Variants in GALNT17 observed in about 807,000 individuals in gnomAD.
GALNT17 encodes the protein UDP-GalNAc:polypeptide N-acetylgalactosaminyltransferase-like 3.
GALNT17 carries 29 observed loss-of-function variants against 63.7 expected under a neutral mutation model. The ratio of observed to expected loss-of-function variants is 0.46; its 90% CI spans 0.34 to 0.62. The LOEUF (loss-of-function observed/expected upper bound fraction) is 0.62. Among genes scored for constraint, GALNT17 ranks in the 20% least tolerant of loss-of-function variants. The pLI, the probability that GALNT17 is intolerant of heterozygous loss-of-function variation, is 0.01. For synonymous variants in GALNT17, 305 were observed against 318.3 expected (o/e 0.96, Z 0.45); for missense variants, 603 against 799.6 (o/e 0.75, Z 2.97).
intron 6 of GALNT17, among the ~76,000 whole-genome samples, chr7:71,651,765 G>T (rs987238947): frequency 6.6e-6 from 1 of 152,064 alleles, no homozygotes; most frequent in African/African-American, 2.4e-5. Context: ...AGGCTGGAGC[G>T]CAGTAGCACC....
intron 3 of GALNT17, among the ~76,000 whole-genome samples, chr7:71,414,017 G>A (rs1004779069): frequency 6.6e-6 from 1 of 152,052 alleles, no homozygotes; most frequent in Non-Finnish European, 1.5e-5. Flanking sequence ...TGAGGTGGGT[G>A]GATCACCTGA....
intron 8 of GALNT17, among the ~76,000 whole-genome samples, chr7:71,676,006 G>T (rs534673392): frequency 6.6e-6 from 1 of 152,200 alleles, no homozygotes; most frequent in African/African-American, 2.4e-5. Context: ...GAAAAGAAAA[G>T]AAAAAGAACA....
rs1791975444 is a variant in GALNT17 at position 71,339,735 on chromosome 7, A to G, written c.422+4002A>G. 2.6e-5 allele frequency among the ~76,000 whole-genome samples: 4 copies of G among 151,898 alleles called. No homozygotes were observed. In the South Asian group the frequency reaches 8.4e-4, roughly 32 times the overall value. ...GAAATTGGGAGAGGGATAAGGGTGG[A>G]CCAGGCGGGAGAACAAACAGAAGGA... On this transcript the variant is annotated intron_variant, in intron 2 of 10. Transcript: ENST00000333538.
chr7:71,208,715 G>A (rs1238760298), intron 1 of GALNT17, among the ~76,000 whole-genome samples: 1 of 152,004 alleles, frequency 6.6e-6, no homozygotes, highest in South Asian at 2.1e-4. Context: ...ACCTCCCAAA[G>A]TGCTGGGACT....
Position 71,710,812 on chromosome 7 carries a change from A to C in GALNT17, c.1552A>C (p.Thr518Pro). Residue 518 changes from threonine to proline, a missense_variant, in exon 10 of 11, where the codon ACC (threonine) becomes CCC (proline). Coordinates refer to ENST00000333538, the MANE Select transcript of GALNT17 (RefSeq NM_022479.3). ...CCTGCACTTGGGTGCCCTGGGGACC[A>C]CCACACTCCTCCCTGACACCCGCTG... ...GFLHLGALGTTTLLPDTRCLV... is the reference protein window; with the variant it reads ...GFLHLGALGTPTLLPDTRCLV... The C allele has an allele frequency of 6.2e-7, 1 of 1,613,544 alleles. No homozygotes were observed.
At chr7:71,407,612 G>A (rs1583925625) in intron 3 of GALNT17, among the ~76,000 whole-genome samples, 2 of 152,110 alleles carry the variant, frequency 1.3e-5, no homozygotes, top group Admixed American at 6.5e-5. Context: ...GCCGGACATG[G>A]TGGTGCATCC....
chr7:71,637,708 A>G (rs1408510104), intron 6 of GALNT17, among the ~76,000 whole-genome samples: 2 of 152,158 alleles, frequency 1.3e-5, no homozygotes, highest in Non-Finnish European at 2.9e-5. Context: ...CTGACTTGGT[A>G]GATGAGTCAC....
intron 2 of GALNT17, among the ~76,000 whole-genome samples, chr7:71,358,396 A>G (rs1792332139): frequency 6.6e-6 from 1 of 152,200 alleles, no homozygotes; most frequent in Non-Finnish European, 1.5e-5. Flanking sequence ...TTCTGTCTCA[A>G]AAAATAAATA....
At chr7:71,521,787 C>T (rs1184061769) in intron 5 of GALNT17, among the ~76,000 whole-genome samples, 1 of 152,188 alleles carries the variant, frequency 6.6e-6, no homozygotes, top group African/African-American at 2.4e-5. Flanking sequence ...AGATTCCCAG[C>T]TGATGGCATT....
intron 1 of GALNT17, among the ~76,000 whole-genome samples, chr7:71,144,476 C>T (rs1472659301): frequency 1.3e-5 from 2 of 152,084 alleles, no homozygotes; most frequent in Non-Finnish European, 1.5e-5. Context: ...AGCTTAGATG[C>T]TAAGAGTACA....
At chr7:71,271,845 G>A (rs1583817919) in intron 1 of GALNT17, among the ~76,000 whole-genome samples, 1 of 152,042 alleles carries the variant, frequency 6.6e-6, no homozygotes, top group Admixed American at 6.6e-5. Flanking sequence ...CTGCAGCGTC[G>A]ACCTCCCAGG....
intron 5 of GALNT17, among the ~76,000 whole-genome samples, chr7:71,516,414 G>A (rs781735983): frequency 2.6e-5 from 4 of 152,162 alleles, no homozygotes; most frequent in Non-Finnish European, 4.4e-5. Context: ...CCCTTGGTAC[G>A]TGATGATGGG....
intron 2 of GALNT17, among the ~76,000 whole-genome samples, chr7:71,352,434 G>A (rs1175367859): frequency 6.6e-6 from 1 of 152,160 alleles, no homozygotes; most frequent in African/African-American, 2.4e-5. Context: ...ATACTACTGG[G>A]TTTTAGGTTG....
Position 71,479,366 on chromosome 7 carries a change from G to A in GALNT17, c.962+58261G>A, listed in dbSNP as rs578254827. ...TGGGGCTCAGCACGTATGGTTTCAG[G>A]TAGGCTCTGCCTTAACATATTCCTG... On this transcript the variant is annotated intron_variant, in intron 5 of 10. Transcript: ENST00000333538. Among the ~76,000 whole-genome samples the A allele has an allele frequency of 9.9e-5, 15 of 152,238 alleles. 1 individual carries two copies. The South Asian group carries it at 3.1e-3, about 32-fold the overall frequency.
At chr7:71,534,598 CAAA>C (rs371592743) in intron 5 of GALNT17, among the ~76,000 whole-genome samples, 17,859 of 108,094 alleles carry the variant, frequency 0.17, 2,028 homozygotes, top group African/African-American at 0.37. Flanking sequence ...GACTCCATCT[CAAA>C]AAAAAAAAAA....
intron 1 of GALNT17, among the ~76,000 whole-genome samples, chr7:71,280,466 G>A (rs1267627786): frequency 6.6e-6 from 1 of 152,140 alleles, no homozygotes; most frequent in South Asian, 2.1e-4. Flanking sequence ...GAGGGTAGGC[G>A]TGAAAAAGAT....
intron 1 of GALNT17, among the ~76,000 whole-genome samples, chr7:71,182,976 T>A (rs1343448783): frequency 7.2e-5 from 11 of 152,188 alleles, no homozygotes; most frequent in Admixed American, 7.2e-4. Context: ...AGGGCAATTG[T>A]TTCTTAGAAC....
At chr7:71,529,785 T>C (rs967398532) in intron 5 of GALNT17, among the ~76,000 whole-genome samples, 3 of 152,252 alleles carry the variant, frequency 2.0e-5, no homozygotes, top group Non-Finnish European at 4.4e-5. Flanking sequence ...GTACTGTTAC[T>C]GCACAACTAG....
At position 71,245,485 on chromosome 7, in the gene GALNT17, G is replaced by A. The variant is rs144464168; in HGVS notation, c.239-90065G>A. ...CTTGGGATGTTTGGAAAAGGGGGAG[G>A]CAGGTGGAAAATTTGGCCATGTCTG... On this transcript the variant is annotated intron_variant, in intron 1 of 10. Coordinates refer to ENST00000333538, the MANE Select transcript of GALNT17 (RefSeq NM_022479.3). 9.2e-5 allele frequency among the ~76,000 whole-genome samples: 14 copies of A among 152,210 alleles called. No homozygotes were observed. In the East Asian group the frequency reaches 2.7e-3, roughly 29 times the overall value.
Sources: allele counts gnomAD v4.1 joint callset (sites outside exome capture counted in the v4.1 genomes callset), GRCh38; gene constraint gnomAD v4.1.1; transcripts MANE v1.5; gene names NCBI Gene and HGNC (gene_info 2026-07-23, HGNC 2026-07-21).